PAFAH1B1: variants seen among roughly 807,000 people sequenced by gnomAD.
PAFAH1B1 encodes platelet activating factor acetylhydrolase 1b regulatory subunit 1.
Under a neutral mutation model 57.5 loss-of-function variants are expected in PAFAH1B1, and 2 were observed. The ratio of observed to expected loss-of-function variants is 0.03; its 90% confidence interval spans 0.01 to 0.11. The LOEUF (loss-of-function observed/expected upper bound fraction) is 0.11, where lower values mean the gene tolerates loss of function less well. PAFAH1B1 is among the 10% of genes least tolerant of loss of function. PAFAH1B1 has a pLI of 1.00. For missense variants in PAFAH1B1, 257 were observed against 512.0 expected, an observed-to-expected ratio of 0.50 and a Z score of 4.81; for synonymous variants, 152 against 169.6, an observed-to-expected ratio of 0.90 and a Z score of 0.81.
intron 1 of PAFAH1B1, among the ~76,000 whole-genome samples, chr17:2,597,731 A>G (rs2068099892): frequency 7.2e-6 from 1 of 139,304 alleles, no homozygotes; most frequent in Admixed American, 7.1e-5. Flanking sequence ...TTTTAAAAAT[A>G]ATATAAATGT....
In PAFAH1B1 at chr17:2,593,896, C is replaced by A. The variant is rs544833254; in HGVS notation, c.-301C>A. ...CGGGCCCAGCGCGCCATCCTCCCCCCTCCTTCCCTCCCTCCCTCCTTCCTC... is the reference window on the plus strand; with the variant it reads ...CGGGCCCAGCGCGCCATCCTCCCCCATCCTTCCCTCCCTCCCTCCTTCCTC... On this transcript the variant is annotated 5_prime_UTR_variant, in exon 1 of 11. Coordinates refer to ENST00000397195, the MANE Select transcript of PAFAH1B1 (RefSeq NM_000430.4). 1.1e-5 allele frequency: 4 copies of A among 355,262 alleles called. No homozygotes were observed. 22.0% of individuals were successfully genotyped at this position (355,262 alleles called of 1,614,324 possible).
At chr17:2,623,220 A>C (rs1296399681) in intron 1 of PAFAH1B1, among the ~76,000 whole-genome samples, 1 of 151,022 alleles carries the variant, frequency 6.6e-6, no homozygotes, top group East Asian at 1.9e-4. Context: ...AGATTTCTGC[A>C]GCCAGCTTGA....
chr17:2,667,105 T>C lies in PAFAH1B1; in HGVS notation c.306T>C (p.Tyr102=), dbSNP rs779519495. Residue 102 remains tyrosine (Y), a synonymous_variant, in exon 5 of 11, where the codon TAT becomes TAC. Coordinates refer to ENST00000397195, the MANE Select transcript of PAFAH1B1 (RefSeq NM_000430.4). ...KEWIPRPPEK[Y]ALSGHRSPVT... is the part of the protein sequence containing the mutation. Reference sequence around the variant, plus strand: ...GGATTCCCCGTCCGCCAGAAAAATATGCATTGAGTGGTCACAGGAGTCCAG... The same window carrying C: ...GGATTCCCCGTCCGCCAGAAAAATACGCATTGAGTGGTCACAGGAGTCCAG... The C allele has an allele frequency of 8.1e-6, 13 of 1,613,764 alleles. No homozygotes were observed. The highest frequency in any genetic ancestry group is 1.3e-5 in the African/African-American group (1 of 74,920).
chr17:2,676,831 G>A (rs535917863), intron 9 of PAFAH1B1, among the ~76,000 whole-genome samples: 2 of 152,174 alleles, frequency 1.3e-5, no homozygotes, highest in African/African-American at 4.8e-5. Context: ...CGGTGTTTGA[G>A]GGGGAGATGC....
At chr17:2,661,509 C>G (rs1251124594) in intron 2 of PAFAH1B1, among the ~76,000 whole-genome samples, 2 of 152,084 alleles carry the variant, frequency 1.3e-5, no homozygotes, top group Non-Finnish European at 2.9e-5. Context: ...CTGTTCTGTT[C>G]CCTTGGTCTG....
chr17:2,612,536 A>T lies in PAFAH1B1; in HGVS notation c.-191+18530A>T, dbSNP rs192919382. ...TCTTCCCGACAATCTTGTGAAATAG[A>T]TACTACTATTAAAAGTAGCTGTATC... On this transcript the variant is annotated intron_variant, in intron 1 of 10. Coordinates refer to ENST00000397195, the MANE Select transcript of PAFAH1B1 (RefSeq NM_000430.4). Among the ~76,000 whole-genome samples the T allele has an allele frequency of 2.2e-3, 330 of 152,030 alleles. 2 individuals are homozygous for T. Among genetic ancestry groups the T allele is most frequent in the Non-Finnish European group, 1.7e-3 (115 of 67,996 alleles).
chr17:2,668,046 C>T (rs908091612), intron 5 of PAFAH1B1, among the ~76,000 whole-genome samples: 1 of 151,894 alleles, frequency 6.6e-6, no homozygotes, highest in Non-Finnish European at 1.5e-5. Context: ...ACCAATCGGC[C>T]GGGCACGGTG....
At chr17:2,653,314 A>G (rs1194274406) in intron 2 of PAFAH1B1, among the ~76,000 whole-genome samples, 1 of 152,122 alleles carries the variant, frequency 6.6e-6, no homozygotes, top group Non-Finnish European at 1.5e-5. Context: ...AGATATACCT[A>G]ATGTAAATGA....
At chr17:2,665,955 T>G in intron 3 of PAFAH1B1, 61 bp from the exon 4 acceptor site, 1 of 1,352,638 alleles carries the variant, frequency 7.4e-7, no homozygotes, top group Non-Finnish European at 1.0e-6. Context: ...AGATGAATGA[T>G]CTTTGTCTTG....
chr17:2,607,202 T>C (rs1017752987), intron 1 of PAFAH1B1, among the ~76,000 whole-genome samples: 1 of 151,758 alleles, frequency 6.6e-6, no homozygotes, highest in African/African-American at 2.4e-5. Context: ...TGAGACAGAG[T>C]CTTGCTCTGT....
chr17:2,649,334 A>G (rs1180596329), intron 2 of PAFAH1B1, among the ~76,000 whole-genome samples: 4 of 152,262 alleles, frequency 2.6e-5, no homozygotes, highest in East Asian at 3.9e-4. Flanking sequence ...GCATTTTGGA[A>G]GGCCGAGGCG....
At chr17:2,633,390 A>G (rs1453521223) in intron 1 of PAFAH1B1, among the ~76,000 whole-genome samples, 1 of 150,026 alleles carries the variant, frequency 6.7e-6, no homozygotes, top group Non-Finnish European at 1.5e-5. Flanking sequence ...CTGGACTCAA[A>G]CTCCTGACCT....
intron 1 of PAFAH1B1, chr17:2,635,462 C>T (rs2068611069): frequency 1.3e-5 from 2 of 152,266 alleles, no homozygotes; most frequent in African/African-American, 4.8e-5. Context: ...CTCCTGGGCT[C>T]AAGCAACCCT....
intron 1 of PAFAH1B1, among the ~76,000 whole-genome samples, chr17:2,629,890 T>A (rs949962670): frequency 6.6e-6 from 1 of 152,202 alleles, no homozygotes; most frequent in South Asian, 2.1e-4. Flanking sequence ...TTGTCTGATA[T>A]GAGAATAGCT....
chr17:2,606,321 C>T (rs1358832562), intron 1 of PAFAH1B1, among the ~76,000 whole-genome samples: 2 of 152,134 alleles, frequency 1.3e-5, no homozygotes, highest in Non-Finnish European at 2.9e-5. Context: ...GAAAGCCTAT[C>T]ATGAGACCTA....
rs570801196 is a variant in PAFAH1B1, at chr17:2,616,102, T to G, written c.-190-21997T>G. On this transcript the variant is annotated intron_variant, in intron 1 of 10. Transcript: ENST00000397195. ...GCCCTTATTCAGCACATCTTTCTTGTTTGTTGTAGAATGGAGAGCAGTTTA... is the reference window on the plus strand; with the variant it reads ...GCCCTTATTCAGCACATCTTTCTTGGTTGTTGTAGAATGGAGAGCAGTTTA... Among the ~76,000 whole-genome samples the G allele has an allele frequency of 3.3e-5, 5 of 152,304 alleles. No individual in the cohort carries two copies. The East Asian group carries it at 9.6e-4, about 29-fold the overall frequency.
rs1314749770 is a variant in PAFAH1B1, at chr17:2,682,819, CACTT to C, written c.*1020_*1023del. ...TCTGATATTGATTTAAACTGTGTTT[CACTT>C]ACAAGTTTTAAAAAAATGACAGGGT... On this transcript the variant is annotated 3_prime_UTR_variant, in exon 11 of 11. Coordinates refer to ENST00000397195, the MANE Select transcript of PAFAH1B1 (RefSeq NM_000430.4). 6.6e-6 allele frequency: 1 copy of C among 152,562 alleles called. No homozygotes were observed. Among genetic ancestry groups the C allele is most frequent in the African/African-American group, 2.4e-5 (1 of 41,424 alleles). 9.5% of individuals were successfully genotyped at this position (152,562 alleles called of 1,614,324 possible).
chr17:2,634,639 A>G (rs1159911289), intron 1 of PAFAH1B1, among the ~76,000 whole-genome samples: 2 of 151,748 alleles, frequency 1.3e-5, no homozygotes, highest in African/African-American at 2.4e-5. Context: ...TTTCTGATCT[A>G]TTCTTCACTA....
At chr17:2,626,966 G>C (rs953741495) in intron 1 of PAFAH1B1, among the ~76,000 whole-genome samples, 2 of 152,146 alleles carry the variant, frequency 1.3e-5, no homozygotes, top group African/African-American at 4.8e-5. Context: ...TGACTTGTTT[G>C]AGTTCATTGT....
Sources: allele counts gnomAD v4.1 joint callset (sites outside exome capture counted in the v4.1 genomes callset), GRCh38; gene constraint gnomAD v4.1.1; transcripts MANE v1.5; gene names NCBI Gene and HGNC (gene_info 2026-07-23, HGNC 2026-07-21).